The following DSCAM variants were observed in gnomAD, a reference collection of about 807,000 sequenced individuals.
The protein encoded by DSCAM is DS cell adhesion molecule, also known as cell adhesion molecule DSCAM.
A neutral mutation model predicts 217.7 loss-of-function variants in DSCAM; 47 were observed. The ratio of observed to expected loss-of-function variants is 0.22; its 90% CI spans 0.17 to 0.28. The LOEUF (loss-of-function observed/expected upper bound fraction) is 0.28, where lower values mean the gene tolerates loss of function less well. DSCAM is among the 10% of genes least tolerant of loss of function. DSCAM has a pLI of 1.00. For synonymous variants in DSCAM, 1,056 were observed against 1,015.3 expected, an observed-to-expected ratio of 1.04 and a Z score of -0.76; for missense variants, 2,080 against 2,618.3, an observed-to-expected ratio of 0.79 and a Z score of 4.49.
At chr21:40,781,755 C>T (rs2091546131) in intron 1 of DSCAM, among the ~76,000 whole-genome samples, 1 of 152,076 alleles carries the variant, frequency 6.6e-6, no homozygotes, top group Non-Finnish European at 1.5e-5. Flanking sequence ...CTCAACAGAC[C>T]TCAGCTATGT....
At chr21:40,108,374 C>T (rs577321321) in intron 20 of DSCAM, among the ~76,000 whole-genome samples, 23 of 151,956 alleles carry the variant, frequency 1.5e-4, no homozygotes, top group Non-Finnish European at 2.5e-4. Context: ...AAGCTGAGAG[C>T]CAAATCAGGA....
chr21:40,727,964 T>G (rs948094217), intron 1 of DSCAM, among the ~76,000 whole-genome samples: 1 of 152,098 alleles, frequency 6.6e-6, no homozygotes, highest in African/African-American at 2.4e-5. Flanking sequence ...CTGCTCTCCC[T>G]CCACCTGGGA....
At chr21:40,589,125 A>G (rs182424107) in intron 3 of DSCAM, among the ~76,000 whole-genome samples, 30 of 109,976 alleles carry the variant, frequency 2.7e-4, no homozygotes, top group Admixed American at 2.0e-3. Flanking sequence ...ATTGCAATCA[A>G]CAAGTCACTT....
intron 14 of DSCAM, among the ~76,000 whole-genome samples, chr21:40,185,564 T>A (rs1280593289): frequency 1.3e-5 from 2 of 152,192 alleles, no homozygotes; most frequent in Non-Finnish European, 2.9e-5. Flanking sequence ...TGCAGCCCCA[T>A]AGCCAGTGCG....
rs752753543 is a variant in DSCAM, at chr21:40,055,827, T to C, written c.4933A>G (p.Thr1645Ala). 3 of 1,612,924 alleles carry C rather than the reference T, an allele frequency of 1.9e-6. No homozygotes were observed. In the African/African-American group the frequency reaches 4.0e-5, roughly 22 times the overall value. ...TGTTGCTTGCTTAACGTATCTGAAG[T>C]CCGGGTATTCTTACTGGGAATAAAA... is the stretch of plus-strand genomic sequence containing the variant. ...AEMLMSKNTRTSDTLSKQQQT... is the reference protein window; with the variant it reads ...AEMLMSKNTRASDTLSKQQQT... The change falls in exon 29 of 33, where the codon ACT becomes GCT. Residue 1645 changes from threonine to alanine, a missense_variant. Physicochemically the swap from Thr to Ala is moderately conservative, Grantham distance 58. This residue lies in a region of DSCAM where 1,144 missense variants were observed against 1,421.1 expected (regional missense o/e 0.81). Coordinates refer to ENST00000400454, the MANE Select transcript of DSCAM (RefSeq NM_001389.5).
chr21:40,750,616 T>C (rs997252669), intron 1 of DSCAM, among the ~76,000 whole-genome samples: 1 of 152,080 alleles, frequency 6.6e-6, no homozygotes, highest in African/African-American at 2.4e-5. Context: ...TTATCTAAAC[T>C]CCAAACTTCT....
At chr21:40,052,164 C>A in intron 29 of DSCAM, 57 bp from the exon 30 acceptor site, 1 of 1,587,318 alleles carries the variant, frequency 6.3e-7, no homozygotes, top group Non-Finnish European at 8.6e-7. Context: ...TCCAACCACT[C>A]CCTGGCCTTT....
intron 3 of DSCAM, among the ~76,000 whole-genome samples, chr21:40,563,666 ATATATATGTT>A (rs1314015201): frequency 1.6e-5 from 1 of 62,460 alleles, no homozygotes; most frequent in African/African-American, 1.2e-4. Context: ...ATGTTTGTTT[ATATATATGTT>A]TATATGTTTA....
At chr21:40,671,599 G>T (rs895088069) in intron 3 of DSCAM, among the ~76,000 whole-genome samples, 1 of 147,206 alleles carries the variant, frequency 6.8e-6, no homozygotes, top group Non-Finnish European at 1.5e-5. Flanking sequence ...TGAGGCAAGA[G>T]AATTGCATGA....
Position 40,161,081 on chromosome 21 carries a change from C to T in DSCAM, c.3018+6137G>A, listed in dbSNP as rs559686392. Reference sequence around the variant, plus strand: ...GACCTAGATTCCACCCCTGTGGCTGCGAGTAGCTCTTGCAAATGCAGCCAG... The same window carrying T: ...GACCTAGATTCCACCCCTGTGGCTGTGAGTAGCTCTTGCAAATGCAGCCAG... On this transcript the variant is annotated intron_variant, in intron 16 of 32. Transcript: ENST00000400454. 8.5e-5 allele frequency among the ~76,000 whole-genome samples: 13 copies of T among 152,238 alleles called. No homozygotes were observed. In the South Asian group the frequency reaches 1.2e-3, roughly 15 times the overall value.
chr21:40,717,274 G>C (rs534013228), intron 1 of DSCAM, among the ~76,000 whole-genome samples: 1 of 152,242 alleles, frequency 6.6e-6, no homozygotes, highest in Non-Finnish European at 1.5e-5. Flanking sequence ...ATTGTAAAGA[G>C]TGTCAGGTGC....
chr21:40,012,200 G>A lies in DSCAM; in HGVS notation c.*834C>T, dbSNP rs1344662220. 6.6e-6 allele frequency: 1 copy of A among 152,234 alleles called. No individual in the cohort carries two copies. The highest frequency in any genetic ancestry group is 1.9e-4 in the East Asian group (1 of 5,180). The allele number at this position is 152,234 out of a possible 1,614,324, so 9.4% of individuals were successfully genotyped here. A position where few individuals can be genotyped will look rare whatever the true frequency, so the allele number is the denominator to read the frequency against. On this transcript the variant is annotated 3_prime_UTR_variant, in exon 33 of 33. Coordinates refer to ENST00000400454, the MANE Select transcript of DSCAM (RefSeq NM_001389.5). ...ACTTGGGCTGGCCTCTGGTTGCGGTGGAGACCAGCCTGCATTTTGTCCTCT... is the reference window on the plus strand; with the variant it reads ...ACTTGGGCTGGCCTCTGGTTGCGGTAGAGACCAGCCTGCATTTTGTCCTCT...
chr21:40,535,826 T>C (rs958280217), intron 3 of DSCAM, among the ~76,000 whole-genome samples: 1 of 152,148 alleles, frequency 6.6e-6, no homozygotes, highest in Non-Finnish European at 1.5e-5. Flanking sequence ...TCAAAGATAG[T>C]GAGAGATGTC....
At chr21:40,614,545 A>G (rs935933607) in intron 3 of DSCAM, among the ~76,000 whole-genome samples, 2 of 152,180 alleles carry the variant, frequency 1.3e-5, no homozygotes, top group African/African-American at 4.8e-5. Flanking sequence ...ATGAGTTTCA[A>G]TTGTTTGAAA....
intron 16 of DSCAM, among the ~76,000 whole-genome samples, chr21:40,153,347 C>T (rs924279818): frequency 1.7e-4 from 26 of 152,160 alleles, no homozygotes; most frequent in South Asian, 4.1e-4. Context: ...AGGGGCAAAT[C>T]GTGGTCAGAA....
intron 3 of DSCAM, among the ~76,000 whole-genome samples, chr21:40,434,359 A>T (rs1204153798): frequency 6.6e-6 from 1 of 152,200 alleles, no homozygotes; most frequent in African/African-American, 2.4e-5. Flanking sequence ...ATGAGAAATC[A>T]CACATCACCT....
chr21:40,470,506 T>G (rs1281103181), intron 3 of DSCAM, among the ~76,000 whole-genome samples: 1 of 152,190 alleles, frequency 6.6e-6, no homozygotes, highest in Non-Finnish European at 1.5e-5. Flanking sequence ...TGAACAGCAT[T>G]TTGAGCCCAA....
At chr21:40,295,279 G>A (rs1258813034) in intron 10 of DSCAM, among the ~76,000 whole-genome samples, 4 of 152,124 alleles carry the variant, frequency 2.6e-5, no homozygotes, top group East Asian at 1.9e-4. Flanking sequence ...GTCTAAATGA[G>A]AAAAGAAAGA....
At chr21:40,785,755 C>T (rs1394580094) in intron 1 of DSCAM, among the ~76,000 whole-genome samples, 1 of 152,130 alleles carries the variant, frequency 6.6e-6, no homozygotes, top group Non-Finnish European at 1.5e-5. Flanking sequence ...AAGCCATGGG[C>T]ATTGGGATAG....
Sources: gnomAD v4.1 joint callset for allele counts (sites outside exome capture counted in the v4.1 genomes callset) on GRCh38, gnomAD v4.1.1 for gene constraint, gnomAD v4.1.1 regional missense constraint, MANE v1.5 for transcripts, NCBI Gene and HGNC (gene_info 2026-07-23, HGNC 2026-07-21) for gene names.